RSU1: variants seen among roughly 807,000 people sequenced by gnomAD.
RSU1 encodes the protein rsu-1.
In RSU1, 26 loss-of-function variants were observed where a neutral mutation model predicts 31.1. That is an observed-to-expected ratio of 0.84 (90% confidence interval 0.61 to 1.16). The LOEUF (loss-of-function observed/expected upper bound fraction) is 1.16. Among genes scored for constraint, RSU1 ranks in the 50% most tolerant of loss-of-function variants. The pLI, the probability that RSU1 is intolerant of heterozygous loss-of-function variation, is 0.00. For synonymous variants in RSU1, 164 were observed against 136.3 expected (o/e 1.20, Z -1.41); for missense variants, 320 against 339.1 (o/e 0.94, Z 0.44).
intron 2 of RSU1, among the ~76,000 whole-genome samples, chr10:16,790,751 G>A (rs1328797780): frequency 6.6e-6 from 1 of 152,186 alleles, no homozygotes; most frequent in Non-Finnish European, 1.5e-5. Flanking sequence ...TCTCATGATG[G>A]TGAGTGAGTT....
intron 3 of RSU1, among the ~76,000 whole-genome samples, chr10:16,769,572 G>C (rs755556415): frequency 1.3e-5 from 2 of 152,288 alleles, no homozygotes; most frequent in South Asian, 2.1e-4. Context: ...ACAGATGGAG[G>C]GGTATCCCGG....
chr10:16,675,719 T>C (rs1835214728), intron 8 of RSU1, among the ~76,000 whole-genome samples: 1 of 152,160 alleles, frequency 6.6e-6, no homozygotes, highest in African/African-American at 2.4e-5. Context: ...TAGAAGTAAA[T>C]GGAGAACATC....
chr10:16,699,832 T>C (rs961836078), intron 7 of RSU1, among the ~76,000 whole-genome samples: 3 of 152,252 alleles, frequency 2.0e-5, no homozygotes, highest in African/African-American at 7.2e-5. Context: ...CCGATGCTGC[T>C]ATGAAGATCG....
chr10:16,781,688 A>G (rs1255695758), intron 3 of RSU1, among the ~76,000 whole-genome samples: 1 of 152,194 alleles, frequency 6.6e-6, no homozygotes, highest in Non-Finnish European at 1.5e-5. Context: ...TATAAACATG[A>G]TAAGAAAGAA....
chr10:16,686,750 C>A (rs969028258), intron 8 of RSU1, among the ~76,000 whole-genome samples: 1 of 152,236 alleles, frequency 6.6e-6, no homozygotes, highest in African/African-American at 2.4e-5. Flanking sequence ...GAGACACACA[C>A]AGAGAGAGAC....
chr10:16,787,463 C>T (rs1041637872), intron 2 of RSU1, among the ~76,000 whole-genome samples: 12 of 152,134 alleles, frequency 7.9e-5, no homozygotes, highest in Non-Finnish European at 1.5e-4. Context: ...CCAATGCTCC[C>T]CCGCAGGCCA....
rs377220709 is a variant in RSU1 at position 16,633,990 on chromosome 10, C to T, written c.732-40494G>A. On this transcript the variant is annotated intron_variant, in intron 8 of 8. Transcript: ENST00000345264. ...CATTAACCTGAAAGACAGATTACGG[C>T]AGTGCACGATCTCACACTGACGTTC... 3.3e-4 allele frequency among the ~76,000 whole-genome samples: 51 copies of T among 152,310 alleles called. No individual in the cohort carries two copies. In the South Asian group the frequency reaches 9.5e-3, roughly 28 times the overall value.
At chr10:16,791,619 CTCCGTCTCAAAAAAACAA>C (rs1173649922) in intron 2 of RSU1, among the ~76,000 whole-genome samples, 1 of 146,258 alleles carries the variant, frequency 6.8e-6, no homozygotes, top group African/African-American at 2.6e-5. Flanking sequence ...CAGAGCGAGA[CTCCGTCTCAAAAAAACAA>C]AAAAAAAAAA....
At chr10:16,716,646 C>G (rs1206802238) in intron 7 of RSU1, among the ~76,000 whole-genome samples, 3 of 152,004 alleles carry the variant, frequency 2.0e-5, no homozygotes, top group Non-Finnish European at 4.4e-5. Context: ...GTATTTCAAC[C>G]TTTGATCTAT....
At chr10:16,764,342 C>T (rs373303299) in intron 4 of RSU1, 48 bp downstream of exon 4, 275 of 1,544,446 alleles carry the variant, frequency 1.8e-4, no homozygotes, top group Non-Finnish European at 2.2e-4. Context: ...CCCGGCATGC[C>T]CCTTCCACTC....
chr10:16,604,292 T>C (rs1413140811), intron 8 of RSU1, among the ~76,000 whole-genome samples: 3 of 152,070 alleles, frequency 2.0e-5, no homozygotes, highest in African/African-American at 7.2e-5. Context: ...CCCAGACCAG[T>C]GCGCCTCGAC....
intron 7 of RSU1, among the ~76,000 whole-genome samples, chr10:16,702,808 T>G (rs2131572704): frequency 6.6e-6 from 1 of 152,270 alleles, no homozygotes; most frequent in East Asian, 1.9e-4. Context: ...TGGGAAGGCA[T>G]GATTATATTT....
At chr10:16,658,972 G>C in intron 8 of RSU1, among the ~76,000 whole-genome samples, 1 of 152,110 alleles carries the variant, frequency 6.6e-6, no homozygotes, top group East Asian at 1.9e-4. Flanking sequence ...CTGTCACATG[G>C]TTTTAATTTC....
rs762216448 is a variant in RSU1, at chr10:16,817,017, A to T, written c.65T>A (p.Met22Lys). 1 of 1,614,204 alleles carries T rather than the reference A, an allele frequency of 6.2e-7. No individual in the cohort carries two copies. The highest frequency in any genetic ancestry group is 8.5e-7 in the Non-Finnish European group (1 of 1,180,006). The part of the protein sequence containing the change: ...SREKNQPEVD[M>K]SDRGISNMLD... ...CATGTTGGAGATGCCCCGGTCACTC[A>T]TGTCCACCTCGGGCTGGTTCTTCTC... The change falls in exon 2 of 9, where the codon ATG (methionine) becomes AAG (lysine). Residue 22 changes from methionine (M) to lysine (K), a missense_variant. Met to Lys is a moderately conservative substitution (Grantham distance 95, BLOSUM62 -1). Transcript: ENST00000345264.
In RSU1 at chr10:16,663,248, C is replaced by T. The variant is rs45449391; in HGVS notation, c.731+31775G>A. Reference sequence around the variant, plus strand: ...ATCCTGTTCTAAACAAAGGGCCCTACGTGCTCCTGTACACCAGGAGGAAGA... The same window carrying T: ...ATCCTGTTCTAAACAAAGGGCCCTATGTGCTCCTGTACACCAGGAGGAAGA... On this transcript the variant is annotated intron_variant, in intron 8 of 8. Transcript: ENST00000345264. 5.7e-3 allele frequency among the ~76,000 whole-genome samples: 865 copies of T among 152,260 alleles called. 7 individuals carry two copies. Among genetic ancestry groups the T allele is most frequent in the Middle Eastern group, 0.027 (8 of 294 alleles).
intron 8 of RSU1, among the ~76,000 whole-genome samples, chr10:16,641,745 A>G (rs1834446336): frequency 6.6e-6 from 1 of 152,170 alleles, no homozygotes; most frequent in Admixed American, 6.5e-5. Context: ...ACCCAGGGAT[A>G]TTCATCCCAG....
At chr10:16,599,855 C>T (rs967878277) in intron 8 of RSU1, among the ~76,000 whole-genome samples, 4 of 138,722 alleles carry the variant, frequency 2.9e-5, no homozygotes, top group South Asian at 4.6e-4. Context: ...GGGAAAGCTT[C>T]GGCGGGCACT....
intron 8 of RSU1, among the ~76,000 whole-genome samples, chr10:16,627,894 T>A (rs966231308): frequency 3.3e-5 from 5 of 152,168 alleles, no homozygotes; most frequent in Non-Finnish European, 7.3e-5. Context: ...CCACCCTTCT[T>A]TCCGCCTCCT....
In RSU1 at chr10:16,815,016, G is replaced by C. The variant is rs557745742; in HGVS notation, c.109+1957C>G. On this transcript the variant is annotated intron_variant, in intron 2 of 8. Coordinates refer to ENST00000345264, the MANE Select transcript of RSU1 (RefSeq NM_012425.4). Reference sequence around the variant, plus strand: ...ACCTGGTGAGAATGAGTGCTGTAGGGAGGAAGGCCATGGGGCCAAGGTTCC... The same window carrying C: ...ACCTGGTGAGAATGAGTGCTGTAGGCAGGAAGGCCATGGGGCCAAGGTTCC... 2.6e-5 allele frequency among the ~76,000 whole-genome samples: 4 copies of C among 152,276 alleles called. No individual in the cohort carries two copies. In the East Asian group the frequency reaches 5.8e-4, roughly 22 times the overall value.
Sources: gnomAD v4.1 joint callset for allele counts (sites outside exome capture counted in the v4.1 genomes callset) on GRCh38, gnomAD v4.1.1 for gene constraint, MANE v1.5 for transcripts, NCBI Gene and HGNC (gene_info 2026-07-23, HGNC 2026-07-21) for gene names.